Variants in KLHL32 observed in about 807,000 individuals in gnomAD.
KLHL32 encodes the protein kelch like family member 32, also known as kelch-like protein 32.
KLHL32 carries 35 observed loss-of-function variants against 64.8 expected under a neutral mutation model. The observed-to-expected ratio is 0.54, with a 90% CI of 0.41 to 0.72. KLHL32 has a LOEUF of 0.72. Among genes scored for constraint, KLHL32 ranks in the 30% least tolerant of loss-of-function variants. The pLI is 0.00. For missense variants in KLHL32, 589 were observed against 768.5 expected (o/e 0.77, Z 2.76); for synonymous variants, 259 against 281.0 (o/e 0.92, Z 0.78).
intron 8 of KLHL32, 142 bp downstream of exon 8, chr6:97,127,604 ACTG>A: frequency 1.4e-6 from 1 of 733,326 alleles, no homozygotes; most frequent in South Asian, 1.8e-5. Context: ...ATCTGAATAA[ACTG>A]CTTTTTGGTT....
At chr6:96,918,000 A>G in the KLHL32 span, among the ~76,000 whole-genome samples, 2 of 152,222 alleles carry the variant, frequency 1.3e-5, no homozygotes, top group African/African-American at 4.8e-5. Context: ...AGATACCAAT[A>G]GCATTCTTAT....
In KLHL32 at chr6:97,085,223, A is replaced by G. The variant is rs1258330894; in HGVS notation, c.509A>G (p.His170Arg). The change falls in exon 6 of 11, where the codon CAT becomes CGT. Residue 170 changes from histidine (H) to arginine (R), a missense_variant. Coordinates refer to ENST00000369261, the MANE Select transcript of KLHL32 (RefSeq NM_052904.4). ...EKAVIDFLVK[H>R]LSELLKSRPE... ...GCAGTGATCGATTTCTTAGTGAAAC[A>G]TCTCTCTGAACTCCTGAAGAGCCGC... The G allele has an allele frequency of 6.2e-7, 1 of 1,613,942 alleles. No homozygotes were observed. Among genetic ancestry groups the G allele is most frequent in the Non-Finnish European group, 8.5e-7 (1 of 1,180,012 alleles).
At chr6:97,051,530 C>A (rs1786908900) in intron 4 of KLHL32, among the ~76,000 whole-genome samples, 1 of 152,176 alleles carries the variant, frequency 6.6e-6, no homozygotes, top group Non-Finnish European at 1.5e-5. Flanking sequence ...CTGAATGTTT[C>A]AACAGAAAGT....
intron 3 of KLHL32, among the ~76,000 whole-genome samples, chr6:96,989,741 TGTCTTACCTGTG>T (rs1399285162): frequency 4.1e-4 from 63 of 152,330 alleles, no homozygotes; most frequent in African/African-American, 1.5e-3. Context: ...GATACCAATT[TGTCTTACCTGTG>T]GTCTCTTTAC....
At chr6:97,058,754 T>A (rs114932252) in intron 4 of KLHL32, among the ~76,000 whole-genome samples, 1 of 152,176 alleles carries the variant, frequency 6.6e-6, no homozygotes, top group Non-Finnish European at 1.5e-5. Flanking sequence ...TAATGCCTGG[T>A]GGTATGGCAG....
chr6:97,125,584 G>C (rs1339179432), intron 7 of KLHL32, among the ~76,000 whole-genome samples: 1 of 152,176 alleles, frequency 6.6e-6, no homozygotes, highest in African/African-American at 2.4e-5. Context: ...TTTCAGAGGA[G>C]CTTGATTAAT....
At chr6:96,993,770 A>C (rs1367835025) in intron 3 of KLHL32, among the ~76,000 whole-genome samples, 1 of 152,182 alleles carries the variant, frequency 6.6e-6, no homozygotes, top group Non-Finnish European at 1.5e-5. Flanking sequence ...AGTAGTAATC[A>C]AGTCTCAGCA....
chr6:96,937,162 C>T (rs1362357720), intron 1 of KLHL32, among the ~76,000 whole-genome samples: 3 of 152,182 alleles, frequency 2.0e-5, no homozygotes, highest in African/African-American at 7.2e-5. Context: ...TCTGTAGCCA[C>T]CAACACAATC....
intron 3 of KLHL32, among the ~76,000 whole-genome samples, chr6:97,009,443 C>G (rs549438602): frequency 1.3e-5 from 2 of 152,126 alleles, no homozygotes; most frequent in African/African-American, 4.8e-5. Flanking sequence ...ACTATCGACA[C>G]TTTAGGATTT....
chr6:97,014,854 G>A (rs890616506), intron 3 of KLHL32, among the ~76,000 whole-genome samples: 2 of 152,298 alleles, frequency 1.3e-5, no homozygotes, highest in South Asian at 2.1e-4. Flanking sequence ...GAGAGCAAAG[G>A]TTGTGATATG....
At chr6:97,004,869 G>T (rs1375353122) in intron 3 of KLHL32, among the ~76,000 whole-genome samples, 2 of 151,896 alleles carry the variant, frequency 1.3e-5, no homozygotes, top group Non-Finnish European at 1.5e-5. Flanking sequence ...TGCTGGGTCT[G>T]GTTTATTAGT....
At chr6:96,917,725 C>T in the KLHL32 span, among the ~76,000 whole-genome samples, 9,990 of 152,132 alleles carry the variant, frequency 0.066, 397 homozygotes, top group Middle Eastern at 0.14. Flanking sequence ...ATTCCTGTGA[C>T]GGGCTTAAGA....
chr6:96,999,559 G>T (rs1423395945), intron 3 of KLHL32: 1 of 975,102 alleles, frequency 1.0e-6, no homozygotes, highest in East Asian at 1.1e-4. Flanking sequence ...TAAAAATCCA[G>T]GTATTAGGAC....
chr6:97,025,753 C>A (rs933929113), intron 3 of KLHL32, among the ~76,000 whole-genome samples: 1 of 152,176 alleles, frequency 6.6e-6, no homozygotes, highest in Admixed American at 6.6e-5. Flanking sequence ...CTCTTACCAG[C>A]TTTATCGCCT....
chr6:97,056,259 C>A (rs1390431904), intron 4 of KLHL32, among the ~76,000 whole-genome samples: 2 of 151,916 alleles, frequency 1.3e-5, no homozygotes, highest in Admixed American at 6.6e-5. Flanking sequence ...GCGCCCGCCA[C>A]CACGCCCGGC....
intron 3 of KLHL32, among the ~76,000 whole-genome samples, chr6:97,015,242 T>A (rs996478380): frequency 6.6e-6 from 1 of 152,202 alleles, no homozygotes; most frequent in African/African-American, 2.4e-5. Context: ...AGGAAATTGA[T>A]ACTGCAGAGA....
intron 4 of KLHL32, chr6:97,062,413 GCCT>G (rs1789056311): frequency 6.6e-6 from 1 of 152,212 alleles, no homozygotes; most frequent in Non-Finnish European, 1.5e-5. Context: ...GTCAGTCAAA[GCCT>G]CCTTCCTTGA....
intron 1 of KLHL32, among the ~76,000 whole-genome samples, chr6:96,951,304 C>T (rs1034889127): frequency 6.6e-6 from 1 of 152,002 alleles, no homozygotes; most frequent in African/African-American, 2.4e-5. Context: ...CACCTTGTTC[C>T]TGGAGTATTA....
chr6:97,027,161 CAAA>C (rs59057028), intron 3 of KLHL32, among the ~76,000 whole-genome samples: 9 of 110,664 alleles, frequency 8.1e-5, no homozygotes, highest in Admixed American at 9.0e-5. Flanking sequence ...GATTCCCTCT[CAAA>C]AAAAAAAAAA....
Sources: allele counts gnomAD v4.1 joint callset (sites outside exome capture counted in the v4.1 genomes callset), GRCh38; gene constraint gnomAD v4.1.1; transcripts MANE v1.5; gene names NCBI Gene and HGNC (gene_info 2026-07-23, HGNC 2026-07-21).